The following AK5 variants were observed in gnomAD, a reference collection of about 807,000 sequenced individuals.
AK5 encodes adenylate kinase isoenzyme 5.
Under a neutral mutation model 69.5 loss-of-function variants are expected in AK5, and 27 were observed. The observed-to-expected ratio is 0.39, with a 90% CI of 0.29 to 0.54. AK5 has a LOEUF of 0.54. Among genes scored for constraint, AK5 ranks in the 20% least tolerant of loss-of-function variants. The probability of loss-of-function intolerance (pLI) is 0.71; values close to 1 mark genes in which losing one functional copy is unlikely to be tolerated. For synonymous variants in AK5, 260 were observed against 244.4 expected (o/e 1.06, Z -0.60); for missense variants, 531 against 700.4 (o/e 0.76, Z 2.73).
intron 13 of AK5, among the ~76,000 whole-genome samples, chr1:77,542,540 G>T (rs1256137999): frequency 2.0e-5 from 3 of 152,216 alleles, no homozygotes; most frequent in African/African-American, 7.2e-5. Context: ...TACCCAGAGA[G>T]AAGGGCTCGT....
chr1:77,285,840 G>GCTTT (rs767956341), intron 1 of AK5, among the ~76,000 whole-genome samples: 2 of 151,712 alleles, frequency 1.3e-5, no homozygotes, highest in Non-Finnish European at 2.9e-5. Context: ...TTAGACTTGA[G>GCTTT]CTTTGAGGGA....
intron 2 of AK5, among the ~76,000 whole-genome samples, chr1:77,291,158 T>C (rs1347788645): frequency 2.6e-5 from 4 of 152,178 alleles, no homozygotes; most frequent in Admixed American, 6.5e-5. Context: ...AAGTCCAATA[T>C]TGCTGGAGCA....
rs781195510 is a variant in AK5, at chr1:77,297,734, G to A, written c.585+6G>A. ...CTGGAGAATTGGCCCCACAGGTACT[G>A]CTGTATAATTATCTTTTATTCTGCA... On this transcript the variant is annotated splice_donor_region_variant and intron_variant, in intron 4 of 13. Transcript: ENST00000354567. 1.2e-6 allele frequency: 2 copies of A among 1,609,382 alleles called. No homozygotes were observed. The highest frequency in any genetic ancestry group is 1.3e-5 in the African/African-American group (1 of 74,498).
chr1:77,475,456 AAATATATATTATATATG>A lies in AK5; in HGVS notation c.1060-7860_1060-7844del, dbSNP rs1654856863. ...ATATGTATATATATTATATATATAC[AAATATATATTATATATG>A]TATATATATTATATATATACAAATA... is the stretch of plus-strand genomic sequence containing the variant. On this transcript the variant is annotated intron_variant, in intron 8 of 13. Coordinates refer to ENST00000354567, the MANE Select transcript of AK5 (RefSeq NM_174858.3). Among the ~76,000 whole-genome samples the A allele has an allele frequency of 1.6e-3, 6 of 3,800 alleles. No homozygotes were observed. In the South Asian group the frequency reaches 0.038, roughly 24 times the overall value. The allele number at this position is 3,800 out of a possible 152,430, so 2.5% of individuals were successfully genotyped here.
chr1:77,381,544 G>A (rs1406697470), intron 6 of AK5, among the ~76,000 whole-genome samples: 1 of 152,182 alleles, frequency 6.6e-6, no homozygotes, highest in Non-Finnish European at 1.5e-5. Flanking sequence ...AAGACATTGT[G>A]TACAGGAGGG....
At chr1:77,471,145 G>A (rs577725003) in intron 8 of AK5, among the ~76,000 whole-genome samples, 2 of 151,728 alleles carry the variant, frequency 1.3e-5, no homozygotes, top group East Asian at 1.9e-4. Flanking sequence ...GCCTCCCAAA[G>A]TGCTGGAATT....
At chr1:77,507,469 A>G (rs1022475496) in intron 10 of AK5, among the ~76,000 whole-genome samples, 5 of 152,270 alleles carry the variant, frequency 3.3e-5, no homozygotes, top group Non-Finnish European at 7.3e-5. Context: ...TCAAGCCAAA[A>G]GTATTGTGAC....
At chr1:77,478,623 C>T (rs1180828660) in intron 8 of AK5, among the ~76,000 whole-genome samples, 1 of 152,294 alleles carries the variant, frequency 6.6e-6, no homozygotes, top group East Asian at 1.9e-4. Context: ...AACAAACTAA[C>T]ACAATCTACT....
intron 8 of AK5, among the ~76,000 whole-genome samples, chr1:77,471,635 C>G (rs1654517308): frequency 1.3e-5 from 2 of 152,162 alleles, no homozygotes; most frequent in Admixed American, 1.3e-4. Flanking sequence ...AAAGCCTATC[C>G]CCAAAGATAT....
intron 8 of AK5, among the ~76,000 whole-genome samples, chr1:77,428,760 C>T (rs1214337579): frequency 2.0e-5 from 3 of 152,094 alleles, no homozygotes; most frequent in African/African-American, 7.2e-5. Context: ...CCCCTCCCCT[C>T]ACCCCACAAC....
chr1:77,420,833 A>G (rs1650761818), intron 8 of AK5, among the ~76,000 whole-genome samples: 1 of 152,076 alleles, frequency 6.6e-6, no homozygotes, highest in Non-Finnish European at 1.5e-5. Context: ...GGATCACCAC[A>G]CTTTTTCTGT....
chr1:77,414,767 A>G (rs939417736), intron 7 of AK5, among the ~76,000 whole-genome samples: 3 of 152,184 alleles, frequency 2.0e-5, no homozygotes, highest in Non-Finnish European at 2.9e-5. Context: ...GTCTTTTTTG[A>G]GTAACAATAT....
intron 6 of AK5, among the ~76,000 whole-genome samples, chr1:77,357,270 C>CACAAAG (rs1475782709): frequency 6.6e-6 from 1 of 151,160 alleles, no homozygotes; most frequent in African/African-American, 2.5e-5. Flanking sequence ...ACTTTGAAGT[C>CACAAAG]ACAAAGACAA....
chr1:77,558,488 T>G, intron 13 of AK5, 114 bp from the exon 14 acceptor site: 2 of 626,482 alleles, frequency 3.2e-6, no homozygotes, highest in Non-Finnish European at 2.8e-6. Context: ...GGGGGGGGTC[T>G]TGTGTTTTAA....
At position 77,282,431 on chromosome 1, in the gene AK5, G is replaced by A. The variant is rs115097603; in HGVS notation, c.60+58G>A. On this transcript the variant is annotated intron_variant, in intron 1 of 13. Coordinates refer to ENST00000354567, the MANE Select transcript of AK5 (RefSeq NM_174858.3). The stretch of plus-strand genomic sequence containing the variant: ...TCCGGGGACTGCATCTCAGGGGTTC[G>A]GGTTGAGGCAGCCGCGCCCCGTCCC... The A allele has an allele frequency of 2.0e-4, 299 of 1,515,474 alleles. No homozygotes were observed. The African/African-American group carries it at 3.9e-3, about 20-fold the overall frequency. The allele number at this position is 1,515,474 out of a possible 1,614,324, so 93.9% of individuals were successfully genotyped here.
chr1:77,432,003 T>C (rs4949655), intron 8 of AK5, among the ~76,000 whole-genome samples: 26,608 of 152,190 alleles, frequency 0.17, 2,352 homozygotes, highest in South Asian at 0.24. Context: ...TTGTAGTTTT[T>C]GCAGAATTTT....
In AK5 at chr1:77,376,488, C is replaced by G. The variant is rs114615601; in HGVS notation, c.892-34493C>G. Among the ~76,000 whole-genome samples the G allele has an allele frequency of 8.8e-3, 1,223 of 138,664 alleles. 15 individuals carry two copies. Among genetic ancestry groups the G allele is most frequent in the African/African-American group, 0.032 (1,185 of 37,106 alleles). The allele number at this position is 138,664 out of a possible 152,430, so 91.0% of individuals were successfully genotyped here. ...ACATGTCTTACTTTTTTTGTCATTA[C>G]TGACTTCATGAGTAGTGCATGTAAC... On this transcript the variant is annotated intron_variant, in intron 6 of 13. Transcript: ENST00000354567.
chr1:77,423,292 C>T (rs1160952510), intron 8 of AK5, among the ~76,000 whole-genome samples: 1 of 147,990 alleles, frequency 6.8e-6, no homozygotes, highest in South Asian at 2.1e-4. Flanking sequence ...TTGTACAGAA[C>T]AAATGCTGCA....
At chr1:77,515,266 T>G (rs1657570959) in intron 10 of AK5, among the ~76,000 whole-genome samples, 1 of 152,190 alleles carries the variant, frequency 6.6e-6, no homozygotes, top group South Asian at 2.1e-4. Context: ...CTCAGACCTT[T>G]CCTGGATTTT....
Sources: allele counts gnomAD v4.1 joint callset (sites outside exome capture counted in the v4.1 genomes callset), GRCh38; gene constraint gnomAD v4.1.1; transcripts MANE v1.5; gene names NCBI Gene and HGNC (gene_info 2026-07-23, HGNC 2026-07-21).